The following ZC3H13 variants were observed in gnomAD, a reference collection of about 807,000 sequenced individuals.
ZC3H13 encodes zinc finger CCCH domain-containing protein 13.
Under a neutral mutation model 204.1 loss-of-function variants are expected in ZC3H13, and 64 were observed. The ratio of observed to expected loss-of-function variants is 0.31; its 90% CI spans 0.26 to 0.39. The LOEUF is 0.39. ZC3H13 is among the 10% of genes least tolerant of loss of function. The probability of loss-of-function intolerance (pLI) is 1.00; values close to 1 mark genes in which losing one functional copy is unlikely to be tolerated. For synonymous variants in ZC3H13, 667 were observed against 693.7 expected (o/e 0.96, Z 0.60); for missense variants, 1,833 against 2,082.7 (o/e 0.88, Z 2.33).
At chr13:46,010,620 G>T in intron 6 of ZC3H13, 115 bp from the exon 7 acceptor site, 1 of 1,140,380 alleles carries the variant, frequency 8.8e-7, no homozygotes, top group Non-Finnish European at 1.2e-6. Context: ...TTATTGCCGG[G>T]TGCAGTGGTT....
chr13:46,012,354 T>G (rs967658733), intron 5 of ZC3H13, among the ~76,000 whole-genome samples: 1 of 152,164 alleles, frequency 6.6e-6, no homozygotes, highest in African/African-American at 2.4e-5. Context: ...AGGTGGGAAT[T>G]TCATTGACCA....
In ZC3H13 at chr13:45,969,547, T is replaced by C; in HGVS notation, c.2997A>G (p.Lys999=). The C allele has an allele frequency of 6.2e-7, 1 of 1,608,112 alleles. No individual in the cohort carries two copies. Residue 999 remains lysine, a synonymous_variant, in exon 14 of 19, where the codon AAA becomes AAG. Coordinates refer to ENST00000679008, the MANE Select transcript of ZC3H13 (RefSeq NM_001330564.2). ...GQVFSPKKGQ[K]KKSIEKKRKK... ...TACGTTTTTTTTCAATGCTTTTCTT[T>C]TTCTGTCCTTTTTTTGGTGAAAATA...
chr13:45,969,439 A>G lies in ZC3H13; in HGVS notation c.3105T>C (p.Pro1035=), dbSNP rs1952389636. Residue 1035 remains proline (P), a synonymous_variant, in exon 14 of 19, where the codon CCT becomes CCC. Coordinates refer to ENST00000679008, the MANE Select transcript of ZC3H13 (RefSeq NM_001330564.2). ...CAACCAATTCCTCTTTAGTTGTTATAGGGGGAGTCCGTGGGCCTCTTTTCT... is the reference window on the plus strand; with the variant it reads ...CAACCAATTCCTCTTTAGTTGTTATGGGGGGAGTCCGTGGGCCTCTTTTCT... ...SKKKRGPRTP[P]ITTKEELVEM... is the part of the protein sequence containing the mutation. 2 of 1,614,110 alleles carry G rather than the reference A, an allele frequency of 1.2e-6. No homozygotes were observed. The highest frequency in any genetic ancestry group is 1.3e-5 in the African/African-American group (1 of 75,054).
At chr13:46,003,973 C>G (rs1306583674) in intron 7 of ZC3H13, among the ~76,000 whole-genome samples, 2 of 152,058 alleles carry the variant, frequency 1.3e-5, no homozygotes, top group African/African-American at 2.4e-5. Context: ...CAGGTAACAA[C>G]AAAGCAAAAA....
At chr13:45,960,118 A>AT (rs921204108) in intron 17 of ZC3H13, among the ~76,000 whole-genome samples, 7 of 150,568 alleles carry the variant, frequency 4.6e-5, no homozygotes, top group East Asian at 1.9e-4. Flanking sequence ...CACCTGGCTA[A>AT]TTTTTTTTTG....
chr13:46,050,466 G>A (rs2044325358), intron 1 of ZC3H13, among the ~76,000 whole-genome samples: 1 of 152,028 alleles, frequency 6.6e-6, no homozygotes. Context: ...GATGAGTAGC[G>A]GCATAATATT....
intron 5 of ZC3H13, among the ~76,000 whole-genome samples, chr13:46,012,877 T>C (rs897029946): frequency 4.6e-5 from 7 of 152,208 alleles, no homozygotes; most frequent in African/African-American, 1.7e-4. Flanking sequence ...TTTGATTATG[T>C]TCCTAAATTC....
intron 4 of ZC3H13, among the ~76,000 whole-genome samples, chr13:46,025,091 T>G (rs1014379279): frequency 1.3e-5 from 2 of 152,230 alleles, no homozygotes; most frequent in African/African-American, 4.8e-5. Flanking sequence ...CTCAATTATT[T>G]GTATGTCAAT....
At chr13:45,990,569 T>C (rs990608093) in intron 8 of ZC3H13, among the ~76,000 whole-genome samples, 4 of 152,082 alleles carry the variant, frequency 2.6e-5, no homozygotes, top group African/African-American at 9.7e-5. Flanking sequence ...CTTTCTAACA[T>C]AAAAAGATAA....
At chr13:45,981,634 T>C (rs1953620359) in intron 10 of ZC3H13, among the ~76,000 whole-genome samples, 1 of 152,162 alleles carries the variant, frequency 6.6e-6, no homozygotes, top group African/African-American at 2.4e-5. Flanking sequence ...CTCCACATCC[T>C]CTCCAGCACC....
chr13:46,010,091 A>C (rs1003114979), intron 7 of ZC3H13: 3 of 255,416 alleles, frequency 1.2e-5, no homozygotes, highest in Non-Finnish European at 2.2e-5. Context: ...TTAAGAGAGG[A>C]ACAGGAAATG....
chr13:46,016,480 A>T (rs1167327188), intron 5 of ZC3H13, among the ~76,000 whole-genome samples: 1 of 152,186 alleles, frequency 6.6e-6, no homozygotes, highest in Non-Finnish European at 1.5e-5. Flanking sequence ...TAGGCACAAA[A>T]AGAGTACATG....
rs568888178 is a variant in ZC3H13 at position 45,975,769 on chromosome 13, T to C, written c.1982A>G (p.Glu661Gly). 6.2e-7 allele frequency: 1 copy of C among 1,614,012 alleles called. No homozygotes were observed. Among genetic ancestry groups the C allele is most frequent in the South Asian group, 1.1e-5 (1 of 91,064 alleles). ...ATCCACTCTGTCTACTCTTCGTTCC[T>C]CTCTTCTTTCATCACGCTCAAGCTC... ...NDELERDERR[E>G]ERRVDRVDDR... is the part of the protein sequence containing the mutation. Residue 661 changes from glutamate (E) to glycine (G), a missense_variant, in exon 12 of 19, where the codon GAG (glutamate) becomes GGG (glycine). Physicochemically the swap from Glu to Gly is moderately conservative, Grantham distance 98. Transcript: ENST00000679008.
chr13:46,043,666 CA>C (rs1019490825), intron 3 of ZC3H13, among the ~76,000 whole-genome samples: 6 of 151,110 alleles, frequency 4.0e-5, no homozygotes, highest in Admixed American at 2.6e-4. Context: ...TTCCTCCCGA[CA>C]AAAAAAATGC....
At chr13:46,035,199 C>T (rs551934248) in intron 4 of ZC3H13, among the ~76,000 whole-genome samples, 1 of 152,240 alleles carries the variant, frequency 6.6e-6, no homozygotes, top group East Asian at 1.9e-4. Context: ...CAAACAGAGG[C>T]CTCTAGCTGA....
In ZC3H13 at chr13:46,005,023, C is replaced by T. The variant is rs117257314; in HGVS notation, c.747-1687G>A. Among the ~76,000 whole-genome samples, 15 of 152,182 alleles carry T rather than the reference C, an allele frequency of 9.9e-5. No homozygotes were observed. The East Asian group carries it at 2.5e-3, about 25-fold the overall frequency. On this transcript the variant is annotated intron_variant, in intron 7 of 18. Transcript: ENST00000679008. Reference sequence around the variant, plus strand: ...CATTTTCATGTCAAAATCCTTTTACCTCAGAGCTCTAGTTAAAATATTTTG... The same window carrying T: ...CATTTTCATGTCAAAATCCTTTTACTTCAGAGCTCTAGTTAAAATATTTTG...
intron 1 of ZC3H13, among the ~76,000 whole-genome samples, chr13:46,047,686 T>A (rs1039053316): frequency 6.7e-6 from 1 of 148,856 alleles, no homozygotes; most frequent in Non-Finnish European, 1.5e-5. Context: ...ACAATATATA[T>A]CCAAGCATGA....
chr13:46,029,935 A>G, intron 4 of ZC3H13, among the ~76,000 whole-genome samples: 1 of 152,246 alleles, frequency 6.6e-6, no homozygotes, highest in Non-Finnish European at 1.5e-5. Context: ...TTCACTATAT[A>G]TATTTGTATC....
intron 6 of ZC3H13, 113 bp from the exon 7 acceptor site, chr13:46,010,618 G>C: frequency 8.7e-7 from 1 of 1,144,088 alleles, no homozygotes; most frequent in Non-Finnish European, 1.2e-6. Flanking sequence ...TATTATTGCC[G>C]GGTGCAGTGG....
Sources: gnomAD v4.1 joint callset for allele counts (sites outside exome capture counted in the v4.1 genomes callset) on GRCh38, gnomAD v4.1.1 for gene constraint, MANE v1.5 for transcripts, NCBI Gene and HGNC (gene_info 2026-07-23, HGNC 2026-07-21) for gene names.